Variants in ACIN1 observed in about 807,000 individuals in gnomAD.
The protein encoded by ACIN1 is apoptotic chromatin condensation inducer in the nucleus.
In ACIN1, 16 loss-of-function variants were observed where a neutral mutation model predicts 146.6. The ratio of observed to expected loss-of-function variants is 0.11; its 90% CI spans 0.07 to 0.17. The LOEUF is 0.17. ACIN1 is among the 10% of genes least tolerant of loss of function. The pLI, the probability that ACIN1 is intolerant of heterozygous loss-of-function variation, is 1.00. For missense variants in ACIN1, 1,357 were observed against 1,609.3 expected (o/e 0.84, Z 2.68); for synonymous variants, 569 against 582.7 (o/e 0.98, Z 0.34).
In ACIN1 at chr14:23,058,948, T is replaced by G; in HGVS notation, c.*200A>C. The G allele has an allele frequency of 1.8e-6, 1 of 562,010 alleles. No homozygotes were observed. Among genetic ancestry groups the G allele is most frequent in the Non-Finnish European group, 3.2e-6 (1 of 317,404 alleles). 34.8% of individuals were successfully genotyped at this position (562,010 alleles called of 1,614,324 possible). On this transcript the variant is annotated 3_prime_UTR_variant, in exon 19 of 19. Coordinates refer to ENST00000605057, the MANE Select transcript of ACIN1 (RefSeq NM_001386863.1). ...ACTTAATGGGAAATGAGAGGGAGGG[T>G]CGGGCTAAGTCCCAAGAGATAGGTT...
chr14:23,080,096 G>C lies in ACIN1; in HGVS notation c.1239C>G (p.Val413=), dbSNP rs778022509. ...AAGGAGACAGGCCTCCTACCAACTG[G>C]ACAGTATGCTGAGATACTAATAGCT... The part of the protein sequence containing the change: ...TRELLVSQHT[V]QLVGGLSPLS... The change falls in exon 6 of 19, where the codon GTC becomes GTG. Residue 413 remains valine (V), a synonymous_variant. Coordinates refer to ENST00000605057, the MANE Select transcript of ACIN1 (RefSeq NM_001386863.1). 6.2e-7 allele frequency: 1 copy of C among 1,614,148 alleles called. No individual in the cohort carries two copies. The highest frequency in any genetic ancestry group is 8.5e-7 in the Non-Finnish European group (1 of 1,180,012).
chr14:23,063,694 G>A (rs1377176274), intron 12 of ACIN1, 117 bp from the exon 13 acceptor site: 3 of 1,216,780 alleles, frequency 2.5e-6, no homozygotes, highest in African/African-American at 3.0e-5. Context: ...TTCCGCTAGG[G>A]GTATTTCGTT....
In ACIN1 at chr14:23,065,907, A is replaced by G. The variant is rs377216094; in HGVS notation, c.2308+59T>C. On this transcript the variant is annotated intron_variant, in intron 10 of 18. Transcript: ENST00000605057. Reference sequence around the variant, plus strand: ...ATTGAGAATGAAATTCTGGTTCTCAATGAATGCTGGTTTTTATGGTATTCC... The same window carrying G: ...ATTGAGAATGAAATTCTGGTTCTCAGTGAATGCTGGTTTTTATGGTATTCC... 1.6e-5 allele frequency: 25 copies of G among 1,516,724 alleles called. No homozygotes were observed. The African/African-American group carries it at 2.7e-4, about 17-fold the overall frequency. 94.0% of individuals were successfully genotyped at this position (1,516,724 alleles called of 1,614,324 possible).
chr14:23,091,769 A>G (rs985047982), intron 2 of ACIN1, among the ~76,000 whole-genome samples: 5 of 151,992 alleles, frequency 3.3e-5, no homozygotes, highest in Non-Finnish European at 7.4e-5. Flanking sequence ...GATTACAGAC[A>G]TGTGCCACCA....
chr14:23,075,689 G>T (rs2047782465), intron 8 of ACIN1, among the ~76,000 whole-genome samples: 1 of 150,832 alleles, frequency 6.6e-6, no homozygotes, highest in Non-Finnish European at 1.5e-5. Flanking sequence ...ACCAAGGTTA[G>T]GCCATAAATG....
intron 18 of ACIN1, among the ~76,000 whole-genome samples, chr14:23,059,814 C>T (rs909020459): frequency 5.3e-5 from 8 of 151,590 alleles, no homozygotes; most frequent in Non-Finnish European, 1.2e-4. Context: ...CGACCACGCC[C>T]GGCTAATTTT....
chr14:23,095,504 C>CGTGG, upstream of ACIN1: 2 of 601,400 alleles, frequency 3.3e-6, no homozygotes, highest in East Asian at 6.0e-5. Flanking sequence ...GCCGGAAGTG[C>CGTGG]GTGGGCTGCC....
intron 8 of ACIN1, chr14:23,071,536 G>A (rs1182225807): frequency 6.4e-7 from 1 of 1,551,266 alleles, no homozygotes; most frequent in Non-Finnish European, 8.7e-7. Flanking sequence ...CGATCAGCCG[G>A]AGACATGCAG....
intron 9 of ACIN1, 79 bp downstream of exon 9, chr14:23,069,397 A>G: frequency 6.5e-7 from 1 of 1,543,520 alleles, no homozygotes; most frequent in Admixed American, 1.9e-5. Context: ...ACCGTGTAAG[A>G]GGGATCACTA....
At chr14:23,066,143 G>C (rs1170059372) in intron 9 of ACIN1, 135 bp from the exon 10 acceptor site, 4 of 661,708 alleles carry the variant, frequency 6.0e-6, no homozygotes, top group South Asian at 2.0e-5. Context: ...GACAGAGAGA[G>C]ACACAGAGAC....
chr14:23,061,931 G>A (rs1039995656), intron 16 of ACIN1, among the ~76,000 whole-genome samples: 3 of 134,968 alleles, frequency 2.2e-5, no homozygotes, highest in Non-Finnish European at 3.0e-5. Flanking sequence ...CTGAGATCGC[G>A]CCACTGCACT....
chr14:23,068,669 G>C lies in ACIN1; in HGVS notation c.2265+807C>G. On this transcript the variant is annotated intron_variant, in intron 9 of 18. Transcript: ENST00000605057. This position sits in a 1 kb window ranked among gnomAD's most constrained non-coding sequence, Gnocchi z 4.3. ...TTACGGGCGGATTACCGTACATGAG[G>C]TACTTGGACAAAGTTTTACGGGGAA... 1.0e-6 allele frequency: 1 copy of C among 985,798 alleles called. No homozygotes were observed. Among genetic ancestry groups the C allele is most frequent in the Non-Finnish European group, 1.2e-6 (1 of 829,950 alleles). The allele number at this position is 985,798 out of a possible 1,614,324, so 61.1% of individuals were successfully genotyped here.
intron 18 of ACIN1, among the ~76,000 whole-genome samples, chr14:23,059,949 C>CTAG: frequency 1.4e-5 from 2 of 147,082 alleles, no homozygotes; most frequent in East Asian, 2.0e-4. Context: ...GCCACCGCGC[C>CTAG]CCGCCAGTTT....
intron 12 of ACIN1, 70 bp from the exon 13 acceptor site, chr14:23,063,647 T>C (rs1200905302): frequency 6.3e-7 from 1 of 1,584,002 alleles, no homozygotes; most frequent in Admixed American, 1.7e-5. Context: ...CAGCCTCTGG[T>C]TCCCCGGTAA....
intron 9 of ACIN1, chr14:23,069,047 T>C: frequency 3.0e-6 from 3 of 987,460 alleles, no homozygotes; most frequent in Non-Finnish European, 3.6e-6. Flanking sequence ...GAACAAAAAT[T>C]TCTCAGCATG....
intron 1 of ACIN1, 27 bp downstream of exon 1, chr14:23,094,948 G>A (rs184698368): frequency 6.4e-7 from 1 of 1,561,944 alleles, no homozygotes; most frequent in South Asian, 1.2e-5. Flanking sequence ...GCTCTCCTCC[G>A]ACACCCCAGC....
chr14:23,069,446 C>G (rs1447949185), intron 9 of ACIN1, 30 bp downstream of exon 9: 1 of 1,607,112 alleles, frequency 6.2e-7, no homozygotes, highest in Non-Finnish European at 8.5e-7. Flanking sequence ...TTCCTGCCCA[C>G]CCGCCCCAAT....
At chr14:23,090,247 T>C in intron 3 of ACIN1, 146 bp from the exon 4 acceptor site, 1 of 1,145,530 alleles carries the variant, frequency 8.7e-7, no homozygotes, top group East Asian at 2.6e-5. Flanking sequence ...AAAAACTCCC[T>C]GGGATTCAGC....
rs778892253 is a variant in ACIN1 at position 23,078,278 on chromosome 14, T to C, written c.2008-12A>G. Reference sequence around the variant, plus strand: ...TTCTTTGGGCTCCCCTGTCAGGAGATAGCAAAAACGAACAGAGCAAAACAT... The same window carrying C: ...TTCTTTGGGCTCCCCTGTCAGGAGACAGCAAAAACGAACAGAGCAAAACAT... On this transcript the variant is annotated splice_polypyrimidine_tract_variant and intron_variant, in intron 7 of 18. Coordinates refer to ENST00000605057, the MANE Select transcript of ACIN1 (RefSeq NM_001386863.1). 1.7e-5 allele frequency: 28 copies of C among 1,612,786 alleles called. No individual in the cohort carries two copies. In the South Asian group the frequency reaches 2.3e-4, roughly 13 times the overall value.
Sources: allele counts gnomAD v4.1 joint callset (sites outside exome capture counted in the v4.1 genomes callset), GRCh38; gene constraint gnomAD v4.1.1; non-coding constraint Gnocchi (gnomAD v3.1); transcripts MANE v1.5; gene names NCBI Gene and HGNC (gene_info 2026-07-23, HGNC 2026-07-21).